Variants in RNF150 observed in about 807,000 individuals in gnomAD.
RNF150 encodes ring finger protein 150.
A neutral mutation model predicts 39.3 loss-of-function variants in RNF150; 24 were observed. That is an observed-to-expected ratio of 0.61 (90% CI 0.44 to 0.86). RNF150 has a LOEUF of 0.86. Among genes scored for constraint, RNF150 ranks in the 40% least tolerant of loss-of-function variants. The pLI is 0.00. For synonymous variants in RNF150, 255 were observed against 227.3 expected (o/e 1.12, Z -1.10); for missense variants, 502 against 587.8 (o/e 0.85, Z 1.51).
intron 6 of RNF150, among the ~76,000 whole-genome samples, chr4:140,902,467 A>ATACTT (rs1730221676): frequency 6.6e-6 from 1 of 152,240 alleles, no homozygotes; most frequent in Non-Finnish European, 1.5e-5. Flanking sequence ...TTTTCACTGT[A>ATACTT]GTAAAAAGCA....
intron 1 of RNF150, among the ~76,000 whole-genome samples, chr4:141,200,691 C>G (rs912961000): frequency 6.6e-6 from 1 of 152,094 alleles, no homozygotes; most frequent in African/African-American, 2.4e-5. Context: ...ACATTCAGTC[C>G]ATTGCAGGCT....
intron 6 of RNF150, among the ~76,000 whole-genome samples, chr4:140,870,339 T>C (rs2111181363): frequency 6.6e-6 from 1 of 152,260 alleles, no homozygotes; most frequent in South Asian, 2.1e-4. Flanking sequence ...ATTCAACAAA[T>C]AGTCAAGAAA....
At chr4:141,191,158 A>G (rs1356155715) in intron 1 of RNF150, among the ~76,000 whole-genome samples, 2 of 152,180 alleles carry the variant, frequency 1.3e-5, no homozygotes, top group Non-Finnish European at 2.9e-5. Flanking sequence ...GGCCTGGGTT[A>G]CTTTCTGGAT....
chr4:140,868,305 C>T lies in RNF150; in HGVS notation c.1273G>A (p.Val425Ile), dbSNP rs954108468. ...IMAMEVGLSDVELSTDQDCEE... is the reference protein window; with the variant it reads ...IMAMEVGLSDIELSTDQDCEE... ...CAGTCCTGGTCAGTGGAAAGTTCTACATCAGACAGTCCAACCTCCATTGCC... is the reference window on the plus strand; with the variant it reads ...CAGTCCTGGTCAGTGGAAAGTTCTATATCAGACAGTCCAACCTCCATTGCC... Residue 425 changes from valine to isoleucine, a missense_variant, in exon 7 of 7, where the codon GTA becomes ATA. Val to Ile is a conservative substitution (Grantham distance 29). Coordinates refer to ENST00000515673, the MANE Select transcript of RNF150 (RefSeq NM_020724.2). 1.2e-6 allele frequency: 2 copies of T among 1,612,408 alleles called. No homozygotes were observed. The highest frequency in any genetic ancestry group is 1.7e-6 in the Non-Finnish European group (2 of 1,178,462).
intron 1 of RNF150, among the ~76,000 whole-genome samples, chr4:141,194,445 T>C (rs1331243000): frequency 1.3e-5 from 2 of 152,228 alleles, no homozygotes; most frequent in Non-Finnish European, 2.9e-5. Context: ...TATTTTATGT[T>C]AGGCCATATA....
intron 1 of RNF150, among the ~76,000 whole-genome samples, chr4:141,189,889 C>T (rs377428245): frequency 2.0e-5 from 3 of 152,300 alleles, no homozygotes; most frequent in South Asian, 2.1e-4. Context: ...GCTTCAGCCC[C>T]GTTTCAGGGG....
rs1282364169 is a variant in RNF150, at chr4:140,912,624, T to C, written c.988-1270A>G. Among the ~76,000 whole-genome samples the C allele has an allele frequency of 2.0e-5, 3 of 152,160 alleles. No individual in the cohort carries two copies. The South Asian group carries it at 6.2e-4, about 32-fold the overall frequency. ...TAGTGTTGTGCTCTTAGCTGTATAA[T>C]GCCAGTCTCCTGAGCTCCACACCTG... On this transcript the variant is annotated intron_variant, in intron 5 of 6. Coordinates refer to ENST00000515673, the MANE Select transcript of RNF150 (RefSeq NM_020724.2).
intron 4 of RNF150, among the ~76,000 whole-genome samples, chr4:140,931,569 A>G (rs1392264452): frequency 6.6e-6 from 1 of 152,210 alleles, no homozygotes. Context: ...GGCAAAGTCC[A>G]TCTCATCTTT....
chr4:140,886,947 T>A (rs1488075434), intron 6 of RNF150, among the ~76,000 whole-genome samples: 1 of 152,242 alleles, frequency 6.6e-6, no homozygotes, highest in African/African-American at 2.4e-5. Flanking sequence ...TACATAGAGA[T>A]CTATGACTCA....
chr4:140,989,017 G>T lies in RNF150; in HGVS notation c.485-21144C>A, dbSNP rs114502399. The stretch of plus-strand genomic sequence containing the variant: ...GGGTAGTTTTTAATTAATATTTATA[G>T]AAAAAGATTGTCCTCATTTGAAGCA... On this transcript the variant is annotated intron_variant, in intron 1 of 6. Transcript: ENST00000515673. Among the ~76,000 whole-genome samples the T allele has an allele frequency of 7.9e-3, 1,199 of 152,232 alleles. 14 individuals are homozygous for T. The highest frequency in any genetic ancestry group is 0.028 in the African/African-American group (1,154 of 41,538).
chr4:141,125,015 A>C (rs1191783691), intron 1 of RNF150, among the ~76,000 whole-genome samples: 1 of 152,228 alleles, frequency 6.6e-6, no homozygotes, highest in African/African-American at 2.4e-5. Flanking sequence ...ATACCACTAT[A>C]TATTATGGAA....
At chr4:141,081,324 A>C (rs1738140443) in intron 1 of RNF150, among the ~76,000 whole-genome samples, 1 of 152,314 alleles carries the variant, frequency 6.6e-6, no homozygotes, top group African/African-American at 2.4e-5. Flanking sequence ...CACTCTAAGC[A>C]AAGAAAACAC....
chr4:141,135,017 G>C (rs1398251185), upstream of RNF150, among the ~76,000 whole-genome samples: 1 of 152,250 alleles, frequency 6.6e-6, no homozygotes, highest in African/African-American at 2.4e-5. Flanking sequence ...GTGCTAAAGA[G>C]ATGACAGGGT....
intron 6 of RNF150, among the ~76,000 whole-genome samples, chr4:140,899,968 C>CTGTGTGTGTGTG (rs1216982458): frequency 6.0e-5 from 7 of 117,336 alleles, no homozygotes; most frequent in African/African-American, 2.3e-4. Context: ...CTCTCTCTCT[C>CTGTGTGTGTGTG]TCTCTCTGTG....
intron 1 of RNF150, among the ~76,000 whole-genome samples, chr4:141,107,404 A>G (rs1739247809): frequency 6.6e-6 from 1 of 152,212 alleles, no homozygotes; most frequent in Admixed American, 6.5e-5. Flanking sequence ...CGGAAACAGA[A>G]GCAGAGAGGC....
intron 1 of RNF150, among the ~76,000 whole-genome samples, chr4:141,106,249 T>C (rs1739191913): frequency 6.6e-6 from 1 of 152,242 alleles, no homozygotes; most frequent in Non-Finnish European, 1.5e-5. Context: ...CAGTTGTTTC[T>C]TTCCTCCCTA....
chr4:141,165,058 A>G (rs952522970), intron 1 of RNF150, among the ~76,000 whole-genome samples: 3 of 152,198 alleles, frequency 2.0e-5, no homozygotes, highest in African/African-American at 7.2e-5. Flanking sequence ...GACCCGTCTC[A>G]CATGCAAAGA....
At chr4:140,948,283 C>T (rs535628003) in intron 3 of RNF150, among the ~76,000 whole-genome samples, 69 of 152,272 alleles carry the variant, frequency 4.5e-4, no homozygotes, top group African/African-American at 1.6e-3. Context: ...TAAATTTTAT[C>T]TTATAAGCCC....
At chr4:141,171,461 A>G (rs1727720697) in intron 1 of RNF150, among the ~76,000 whole-genome samples, 1 of 712 alleles carries the variant, frequency 1.4e-3, no homozygotes, top group Admixed American at 0.017. Flanking sequence ...ACAGACAGAA[A>G]GAGAGAGAGA....
Sources: gnomAD v4.1 joint callset for allele counts (sites outside exome capture counted in the v4.1 genomes callset) on GRCh38, gnomAD v4.1.1 for gene constraint, MANE v1.5 for transcripts, NCBI Gene and HGNC (gene_info 2026-07-23, HGNC 2026-07-21) for gene names.